CACNA1C: variants seen among roughly 807,000 people sequenced by gnomAD.
CACNA1C encodes the protein calcium voltage-gated channel subunit alpha1 C.
Under a neutral mutation model 229.0 loss-of-function variants are expected in CACNA1C, and 30 were observed. That is an observed-to-expected ratio of 0.13 (90% CI 0.10 to 0.18). CACNA1C has a LOEUF of 0.18. CACNA1C is among the 10% of genes least tolerant of loss of function. CACNA1C has a pLI of 1.00. For synonymous variants in CACNA1C, 1,114 were observed against 1,132.5 expected (o/e 0.98, Z 0.33); for missense variants, 1,658 against 2,845.0 (o/e 0.58, Z 9.49).
chr12:2,111,560 C>T (rs998040082), intron 1 of CACNA1C, among the ~76,000 whole-genome samples: 8 of 151,124 alleles, frequency 5.3e-5, no homozygotes, highest in Middle Eastern at 3.4e-3. Flanking sequence ...TGGGGACAGC[C>T]GTCTCAGGGG....
intron 5 of CACNA1C, among the ~76,000 whole-genome samples, chr12:2,472,912 A>C (rs2099600874): frequency 1.3e-5 from 2 of 152,156 alleles, no homozygotes; most frequent in East Asian, 3.9e-4. Context: ...TGAAAGCCCA[A>C]ACCCCTCAAC....
intron 5 of CACNA1C, among the ~76,000 whole-genome samples, chr12:2,466,532 C>T (rs1454812695): frequency 1.3e-5 from 2 of 152,248 alleles, no homozygotes; most frequent in African/African-American, 4.8e-5. Flanking sequence ...GGAAGAGGCT[C>T]AAACCACAGT....
chr12:2,320,139 C>G (rs895488538), intron 3 of CACNA1C, among the ~76,000 whole-genome samples: 2 of 152,166 alleles, frequency 1.3e-5, no homozygotes, highest in Non-Finnish European at 2.9e-5. Flanking sequence ...TGTTACTGAC[C>G]TGGGCCCCTG....
intron 3 of CACNA1C, among the ~76,000 whole-genome samples, chr12:2,418,895 T>C (rs1474197139): frequency 6.6e-6 from 1 of 152,166 alleles, no homozygotes; most frequent in African/African-American, 2.4e-5. Context: ...AGGGGTTCTT[T>C]ACCTCCTGGA....
At chr12:1,973,841 G>C (rs1353387365) in intron 1 of CACNA1C, among the ~76,000 whole-genome samples, 1 of 152,098 alleles carries the variant, frequency 6.6e-6, no homozygotes, top group East Asian at 1.9e-4. Flanking sequence ...TCATAATCTT[G>C]CTGAAAAATT....
chr12:2,476,663 A>C (rs991129042), intron 5 of CACNA1C, among the ~76,000 whole-genome samples: 2 of 152,230 alleles, frequency 1.3e-5, no homozygotes, highest in Non-Finnish European at 2.9e-5. Flanking sequence ...AATATAAAAA[A>C]TTAATTCAAC....
Position 2,633,812 on chromosome 12 carries a change from GT to G in CACNA1C, c.3829-477del, listed in dbSNP as rs111913213. 23 of 712,420 alleles carry G rather than the reference GT, an allele frequency of 3.2e-5. No individual in the cohort carries two copies. The highest frequency in any genetic ancestry group is 1.3e-4 in the Admixed American group (5 of 37,176). 44.1% of individuals were successfully genotyped at this position (712,420 alleles called of 1,614,324 possible). A position where few individuals can be genotyped will look rare whatever the true frequency, so the allele number is the denominator to read the frequency against. The stretch of plus-strand genomic sequence containing the variant: ...ACTCTCTCTGTTTACCTTCTTTTAT[GT>G]TTTTTTTAATTTCCTGTTTTTACCC... On this transcript the variant is annotated intron_variant, in intron 29 of 46. Coordinates refer to ENST00000399655, the MANE Select transcript of CACNA1C (RefSeq NM_000719.7). The surrounding 1 kb of genome is among the most constrained non-coding windows in gnomAD (Gnocchi z 5.8).
intron 3 of CACNA1C, among the ~76,000 whole-genome samples, chr12:2,388,007 GGAAGAGGCT>G (rs958465712): frequency 6.6e-6 from 1 of 152,162 alleles, no homozygotes; most frequent in African/African-American, 2.4e-5. Context: ...CCTTGAGTAG[GGAAGAGGCT>G]GCTGCAATGG....
At chr12:2,194,502 T>A (rs192547447) in intron 3 of CACNA1C, among the ~76,000 whole-genome samples, 97 of 152,178 alleles carry the variant, frequency 6.4e-4, no homozygotes, top group Non-Finnish European at 6.5e-4. Flanking sequence ...TTTCTGTTCA[T>A]GTACTGTTCT....
chr12:2,548,392 G>T (rs1444824263), intron 9 of CACNA1C, among the ~76,000 whole-genome samples: 5 of 152,156 alleles, frequency 3.3e-5, no homozygotes, highest in Non-Finnish European at 7.3e-5. Context: ...GGGCGCTCAA[G>T]ATGAACATGC....
At chr12:2,400,575 C>A (rs1030927256) in intron 3 of CACNA1C, among the ~76,000 whole-genome samples, 1 of 152,178 alleles carries the variant, frequency 6.6e-6, no homozygotes. Context: ...GAATACAGAA[C>A]GAGATAATGC....
chr12:2,547,977 G>A (rs753747469), intron 9 of CACNA1C, among the ~76,000 whole-genome samples: 10 of 152,172 alleles, frequency 6.6e-5, no homozygotes, highest in Non-Finnish European at 1.2e-4. Flanking sequence ...CTCTGGGAAC[G>A]AAGTGTCACA....
At chr12:2,136,135 A>G (rs1395724259) in intron 3 of CACNA1C, among the ~76,000 whole-genome samples, 1 of 151,302 alleles carries the variant, frequency 6.6e-6, no homozygotes, top group Non-Finnish European at 1.5e-5. Flanking sequence ...TGCGCTTCCC[A>G]GGTGAGGCAA....
chr12:2,216,140 T>C (rs905334811), intron 3 of CACNA1C, among the ~76,000 whole-genome samples: 3 of 152,096 alleles, frequency 2.0e-5, no homozygotes, highest in Admixed American at 6.5e-5. Flanking sequence ...CTGGGAGTCT[T>C]GGGCAAGAGC....
chr12:2,649,585 C>G lies in CACNA1C; in HGVS notation c.3945+1078C>G, dbSNP rs1366959758. 6.6e-6 allele frequency among the ~76,000 whole-genome samples: 1 copy of G among 152,186 alleles called. No individual in the cohort carries two copies. Among genetic ancestry groups the G allele is most frequent in the Non-Finnish European group, 1.5e-5 (1 of 68,048 alleles). ...TCCGAATGGCAGTGAGTTTATTCTC[C>G]TTCTCGAGCAGCATTAGGAAACTGC... On this transcript the variant is annotated intron_variant, in intron 31 of 46. Coordinates refer to ENST00000399655, the MANE Select transcript of CACNA1C (RefSeq NM_000719.7). The surrounding 1 kb of genome is among the most constrained non-coding windows in gnomAD (Gnocchi z 4.4).
chr12:2,248,198 T>C (rs962513445), intron 3 of CACNA1C, among the ~76,000 whole-genome samples: 3 of 152,218 alleles, frequency 2.0e-5, no homozygotes, highest in Admixed American at 2.0e-4. Flanking sequence ...ACACTGTACA[T>C]TCCCATAATG....
At chr12:2,537,755 T>C (rs1462190331) in intron 9 of CACNA1C, among the ~76,000 whole-genome samples, 5 of 152,204 alleles carry the variant, frequency 3.3e-5, no homozygotes, top group African/African-American at 1.2e-4. Context: ...CCCTGTCCCA[T>C]CCCTAATGGT....
intron 1 of CACNA1C, among the ~76,000 whole-genome samples, chr12:2,042,430 A>G (rs1023316658): frequency 6.6e-6 from 1 of 152,228 alleles, no homozygotes; most frequent in African/African-American, 2.4e-5. Flanking sequence ...TATTTACATT[A>G]TGAGCTTTTC....
At chr12:2,160,422 C>T (rs7302743) in intron 3 of CACNA1C, among the ~76,000 whole-genome samples, 26,742 of 152,174 alleles carry the variant, frequency 0.18, 2,654 homozygotes, top group South Asian at 0.25. Flanking sequence ...CATCCTCAGA[C>T]GGCTCGTAAC....
Sources: allele counts gnomAD v4.1 joint callset (sites outside exome capture counted in the v4.1 genomes callset), GRCh38; gene constraint gnomAD v4.1.1; non-coding constraint Gnocchi (gnomAD v3.1); transcripts MANE v1.5; gene names NCBI Gene and HGNC (gene_info 2026-07-23, HGNC 2026-07-21).